DENND1B: variants seen among roughly 807,000 people sequenced by gnomAD.
The protein encoded by DENND1B is DENN domain containing 1B, also known as DENN domain-containing protein 1B.
DENND1B carries 59 observed loss-of-function variants against 90.1 expected under a neutral mutation model. The ratio of observed to expected loss-of-function variants is 0.65; its 90% CI spans 0.53 to 0.81. The LOEUF is 0.81. Among genes scored for constraint, DENND1B ranks in the 40% least tolerant of loss-of-function variants. The pLI is 0.00. For synonymous variants in DENND1B, 337 were observed against 324.6 expected (o/e 1.04, Z -0.41); for missense variants, 862 against 912.6 (o/e 0.94, Z 0.71).
chr1:197,568,140 C>G (rs1672846932), intron 15 of DENND1B, among the ~76,000 whole-genome samples: 1 of 151,800 alleles, frequency 6.6e-6, no homozygotes, highest in Non-Finnish European at 1.5e-5. Flanking sequence ...ACTGTTGGAA[C>G]TAATAAGCAA....
intron 2 of DENND1B, among the ~76,000 whole-genome samples, chr1:197,757,675 T>C (rs1002906589): frequency 6.6e-6 from 1 of 152,198 alleles, no homozygotes; most frequent in Non-Finnish European, 1.5e-5. Context: ...AACAGAATCT[T>C]GCTTCAAGGA....
chr1:197,617,801 C>T (rs373831150), intron 10 of DENND1B, 42 bp from the exon 11 acceptor site: 20 of 1,408,550 alleles, frequency 1.4e-5, no homozygotes, highest in Non-Finnish European at 1.9e-5. Flanking sequence ...TAGCTGCTGA[C>T]CTTCCAAACA....
At chr1:197,612,419 T>C (rs953745463) in intron 11 of DENND1B, among the ~76,000 whole-genome samples, 1 of 150,538 alleles carries the variant, frequency 6.6e-6, no homozygotes, top group Non-Finnish European at 1.5e-5. Flanking sequence ...ATTCTTAATA[T>C]ATATATTCAT....
At chr1:197,558,538 C>T (rs986778372) in intron 15 of DENND1B, among the ~76,000 whole-genome samples, 13 of 151,654 alleles carry the variant, frequency 8.6e-5, no homozygotes, top group South Asian at 2.1e-4. Context: ...CCAGAGGCCA[C>T]GCTCTAGTTT....
chr1:197,604,151 A>C (rs1183640802), intron 13 of DENND1B, among the ~76,000 whole-genome samples: 1 of 150,220 alleles, frequency 6.7e-6, no homozygotes, highest in Non-Finnish European at 1.5e-5. Context: ...AAGTTATTCC[A>C]TGTAATAATC....
At chr1:197,735,761 CA>C (rs772231904) in intron 2 of DENND1B, 26 of 1,612,030 alleles carry the variant, frequency 1.6e-5, no homozygotes, top group Non-Finnish European at 2.0e-5. Context: ...CGTACTTTTC[CA>C]GGGGGAATCC....
chr1:197,541,130 AG>A, intron 18 of DENND1B, 115 bp from the exon 19 acceptor site: 3 of 940,568 alleles, frequency 3.2e-6, no homozygotes, highest in Non-Finnish European at 4.9e-6. Flanking sequence ...ATTTAGAAAA[AG>A]AACAGATTAT....
intron 16 of DENND1B, among the ~76,000 whole-genome samples, chr1:197,550,186 A>C (rs2125678838): frequency 6.6e-6 from 1 of 152,278 alleles, no homozygotes. Flanking sequence ...TGTGTAAAAA[A>C]TCTACAAGAA....
chr1:197,695,367 T>C (rs1014353280), intron 3 of DENND1B, among the ~76,000 whole-genome samples: 1 of 151,066 alleles, frequency 6.6e-6, no homozygotes, highest in South Asian at 2.1e-4. Flanking sequence ...CGATAGGAAA[T>C]AATTGCTATT....
intron 10 of DENND1B, among the ~76,000 whole-genome samples, chr1:197,637,035 T>G (rs1010277264): frequency 6.6e-6 from 1 of 151,800 alleles, no homozygotes; most frequent in Non-Finnish European, 1.5e-5. Context: ...AAAAAAAAAA[T>G]TATAGTATGT....
intron 3 of DENND1B, among the ~76,000 whole-genome samples, chr1:197,706,456 G>A (rs1037753030): frequency 9.9e-5 from 15 of 151,988 alleles, no homozygotes; most frequent in African/African-American, 2.2e-4. Context: ...AAAAAGCTTC[G>A]GCACAGCCAA....
At chr1:197,617,506 C>A (rs1677763934) in intron 11 of DENND1B, among the ~76,000 whole-genome samples, 153 bp downstream of exon 11, 2 of 151,168 alleles carry the variant, frequency 1.3e-5, no homozygotes, top group African/African-American at 4.8e-5. Flanking sequence ...CAGAATTATT[C>A]TGTCCTTCAT....
rs1338524957 is a variant in DENND1B at position 197,607,119 on chromosome 1, G to A, written c.875C>T (p.Thr292Ile). Residue 292 changes from threonine (T) to isoleucine (I), a missense_variant, in exon 13 of 23, where the codon ACA (threonine) becomes ATA (isoleucine). Thr to Ile is a moderately conservative substitution (Grantham distance 89). Coordinates refer to ENST00000620048, the MANE Select transcript of DENND1B (RefSeq NM_001195215.2). ...CAAGTCACTAAATGGTGATTCTAATGTGTTTGTATCAACATTTAACATAAC... is the reference window on the plus strand; with the variant it reads ...CAAGTCACTAAATGGTGATTCTAATATGTTTGTATCAACATTTAACATAAC... ...DVVMLNVDTN[T>I]LESPFSDLNN... The A allele has an allele frequency of 6.2e-7, 1 of 1,605,502 alleles. No individual in the cohort carries two copies. The highest frequency in any genetic ancestry group is 8.5e-7 in the Non-Finnish European group (1 of 1,175,076).
chr1:197,640,845 G>A (rs1416980456), intron 10 of DENND1B, among the ~76,000 whole-genome samples: 2 of 152,124 alleles, frequency 1.3e-5, no homozygotes, highest in Non-Finnish European at 2.9e-5. Flanking sequence ...AGCGGCGTGT[G>A]CCTATAGTCC....
At chr1:197,610,970 C>A (rs991553877) in intron 12 of DENND1B, among the ~76,000 whole-genome samples, 1 of 150,630 alleles carries the variant, frequency 6.6e-6, no homozygotes, top group Non-Finnish European at 1.5e-5. Context: ...GAATCCACAA[C>A]CTGGACCTCC....
intron 2 of DENND1B, among the ~76,000 whole-genome samples, chr1:197,725,347 T>C (rs1367901430): frequency 1.3e-5 from 2 of 152,082 alleles, no homozygotes; most frequent in East Asian, 1.9e-4. Flanking sequence ...AACAGGAATG[T>C]AGGGAAAATA....
intron 16 of DENND1B, among the ~76,000 whole-genome samples, chr1:197,547,502 T>C (rs1670903793): frequency 6.6e-6 from 1 of 152,168 alleles, no homozygotes; most frequent in Non-Finnish European, 1.5e-5. Flanking sequence ...ACTTCTGTAT[T>C]TAAAATCTTA....
intron 10 of DENND1B, among the ~76,000 whole-genome samples, chr1:197,627,260 A>G (rs966737279): frequency 6.6e-6 from 1 of 152,168 alleles, no homozygotes; most frequent in Non-Finnish European, 1.5e-5. Flanking sequence ...CTTGATGAAC[A>G]TTGATGCAAA....
chr1:197,734,809 T>TA, intron 2 of DENND1B: 1 of 983,734 alleles, frequency 1.0e-6, no homozygotes, highest in South Asian at 4.7e-5. Flanking sequence ...GCTTTTTTTT[T>TA]AACCTACAAC....
Sources: allele counts gnomAD v4.1 joint callset (sites outside exome capture counted in the v4.1 genomes callset), GRCh38; gene constraint gnomAD v4.1.1; transcripts MANE v1.5; gene names NCBI Gene and HGNC (gene_info 2026-07-23, HGNC 2026-07-21).